The following DDHD1 variants were observed in gnomAD, a reference collection of about 807,000 sequenced individuals.
The protein encoded by DDHD1 is phospholipase DDHD1.
In DDHD1, 49 loss-of-function variants were observed where a neutral mutation model predicts 96.4. The observed-to-expected ratio is 0.51, with a 90% confidence interval of 0.40 to 0.64. The LOEUF is 0.64. Among genes scored for constraint, DDHD1 ranks in the 30% least tolerant of loss-of-function variants. The probability of loss-of-function intolerance (pLI) is 0.00; values close to 1 mark genes in which losing one functional copy is unlikely to be tolerated. For synonymous variants in DDHD1, 442 were observed against 446.5 expected, an observed-to-expected ratio of 0.99 and a Z score of 0.13; for missense variants, 1,106 against 1,161.2, an observed-to-expected ratio of 0.95 and a Z score of 0.69.
chr14:53,055,888 G>T lies in DDHD1; in HGVS notation c.2017C>A (p.Leu673Met). 6.2e-7 allele frequency: 1 copy of T among 1,612,798 alleles called. No homozygotes were observed. Among genetic ancestry groups the T allele is most frequent in the Non-Finnish European group, 8.5e-7 (1 of 1,179,190 alleles). Reference protein sequence around the residue: ...PVAYRLEPLILKHYSNISPVQ... With the variant: ...PVAYRLEPLIMKHYSNISPVQ... ...GGTGAAATGTTGCTGTAGTGTTTCA[G>T]TATTAATGGTTCTAATCTATAAGCC... Residue 673 changes from leucine (L) to methionine (M), a missense_variant, in exon 10 of 13, where the codon CTG (leucine) becomes ATG (methionine). This residue lies in a region of DDHD1 where 650 missense variants were observed against 758.8 expected (regional missense o/e 0.86). Transcript: ENST00000673822.
Position 53,103,708 on chromosome 14 carries a change from C to A in DDHD1, c.987G>T (p.Val329=). ...CATCTTTTCCATCTATGGATTTTGA[C>A]ACTTCAATATCGAAATTTTCCTGCA... ...QQMQENFDIE[V]SKSIDGKDAV... Residue 329 remains valine, a synonymous_variant, in exon 2 of 13, where the codon GTG becomes GTT. Coordinates refer to ENST00000673822, the MANE Select transcript of DDHD1 (RefSeq NM_001160148.2). The A allele has an allele frequency of 6.2e-7, 1 of 1,611,278 alleles. No individual in the cohort carries two copies. The highest frequency in any genetic ancestry group is 8.5e-7 in the Non-Finnish European group (1 of 1,179,114).
chr14:53,143,354 T>C (rs1373286294), intron 1 of DDHD1, among the ~76,000 whole-genome samples: 1 of 152,226 alleles, frequency 6.6e-6, no homozygotes, highest in Non-Finnish European at 1.5e-5. Context: ...TTGTTAGAAA[T>C]GCTTGTTCCT....
At chr14:53,114,109 G>T (rs2095551) in intron 1 of DDHD1, among the ~76,000 whole-genome samples, 2 of 152,030 alleles carry the variant, frequency 1.3e-5, no homozygotes, top group Non-Finnish European at 2.9e-5. Context: ...TGGCAGGTCT[G>T]GACTGGGCGG....
In DDHD1 at chr14:53,153,056, T is replaced by G. The variant is rs1891583848; in HGVS notation, c.43A>C (p.Asn15His). The G allele has an allele frequency of 6.7e-7, 1 of 1,488,836 alleles. No homozygotes were observed. Among genetic ancestry groups the G allele is most frequent in the South Asian group, 1.3e-5 (1 of 76,622 alleles). 92.2% of individuals were successfully genotyped at this position (1,488,836 alleles called of 1,614,324 possible). The change falls in exon 1 of 13, where the codon AAC becomes CAC. Residue 15 changes from asparagine to histidine, a missense_variant. This residue lies in a region of DDHD1 where 456 missense variants were observed against 402.4 expected (regional missense o/e 1.13). Transcript: ENST00000673822. ...GCGCCGCCGCCGCCGCCTCGGCCGT[T>G]ATGCTCGGGGCTCCGTGGGGACCCG... ...GRGSPRSPEH[N>H]GRGGGGGAWE...
intron 1 of DDHD1, among the ~76,000 whole-genome samples, chr14:53,126,860 G>A (rs1236365479): frequency 3.9e-5 from 6 of 152,138 alleles, no homozygotes; most frequent in Admixed American, 6.5e-5. Flanking sequence ...GAAGCACAGC[G>A]TTTAGAAGAT....
chr14:53,053,632 A>C (rs188638711), intron 11 of DDHD1: 25 of 152,296 alleles, frequency 1.6e-4, no homozygotes, highest in African/African-American at 6.0e-4. Context: ...AATCTGTTTA[A>C]AAATTTCTAG....
At chr14:53,071,900 G>A (rs1017486793) in intron 6 of DDHD1, among the ~76,000 whole-genome samples, 3 of 152,120 alleles carry the variant, frequency 2.0e-5, no homozygotes, top group Admixed American at 6.6e-5. Context: ...GTATTGCCTG[G>A]ATTCAAATAC....
chr14:53,054,570 A>T lies in DDHD1; in HGVS notation c.2305T>A (p.Ser769Thr). 6.2e-7 allele frequency: 1 copy of T among 1,614,064 alleles called. No homozygotes were observed. Among genetic ancestry groups the T allele is most frequent in the African/African-American group, 1.3e-5 (1 of 75,028 alleles). The change falls in exon 11 of 13, where the codon TCT becomes ACT. Residue 769 changes from serine to threonine, a missense_variant. Transcript: ENST00000673822. ...GATGTTTCAGATGACTGTGTTGTAGATGAACGTCCAAATCTTGAGAACAAC... is the reference window on the plus strand; with the variant it reads ...GATGTTTCAGATGACTGTGTTGTAGTTGAACGTCCAAATCTTGAGAACAAC... ...GMLFSRFGRSSTTQSSETSKD... is the reference protein window; with the variant it reads ...GMLFSRFGRSTTTQSSETSKD...
chr14:53,082,816 T>G (rs1885604705), intron 4 of DDHD1, among the ~76,000 whole-genome samples: 1 of 150,102 alleles, frequency 6.7e-6, no homozygotes, highest in Non-Finnish European at 1.5e-5. Context: ...TGCAGTGCAC[T>G]GGCAACTCAC....
chr14:53,152,593 C>T lies in DDHD1; in HGVS notation c.506G>A (p.Arg169His), dbSNP rs781329738. Residue 169 changes from arginine (R) to histidine (H), a missense_variant, in exon 1 of 13, where the codon CGC becomes CAC. This residue lies in a region of DDHD1 where 456 missense variants were observed against 402.4 expected (regional missense o/e 1.13). Coordinates refer to ENST00000673822, the MANE Select transcript of DDHD1 (RefSeq NM_001160148.2). Reference sequence around the variant, plus strand: ...CTTCTTGTCCTCCTTGTAGAACCAGCGTACCTCCTCCGGGCCCAGCTCCGT... The same window carrying T: ...CTTCTTGTCCTCCTTGTAGAACCAGTGTACCTCCTCCGGGCCCAGCTCCGT... The part of the protein sequence containing the change: ...VVTELGPEEV[R>H]WFYKEDKKTW... 1 of 1,613,850 alleles carries T rather than the reference C, an allele frequency of 6.2e-7. No homozygotes were observed. The highest frequency in any genetic ancestry group is 8.5e-7 in the Non-Finnish European group (1 of 1,179,942).
intron 2 of DDHD1, 169 bp from the exon 3 acceptor site, chr14:53,093,613 A>C (rs1886626031): frequency 1.3e-6 from 1 of 749,032 alleles, no homozygotes; most frequent in South Asian, 2.0e-5. Flanking sequence ...TGAAGCAAGT[A>C]ATGGATAGGG....
At chr14:53,124,448 G>C (rs77274883) in intron 1 of DDHD1, among the ~76,000 whole-genome samples, 1,538 of 152,144 alleles carry the variant, frequency 0.01, 32 homozygotes, top group African/African-American at 0.035. Context: ...TATTTAGCTT[G>C]GCTGCTAAGT....
At chr14:53,112,120 T>G (rs1888155580) in intron 1 of DDHD1, among the ~76,000 whole-genome samples, 1 of 152,114 alleles carries the variant, frequency 6.6e-6, no homozygotes, top group South Asian at 2.1e-4. Flanking sequence ...TAGATGAATA[T>G]AACAAGTTAC....
chr14:53,080,915 A>G (rs1566546505), intron 4 of DDHD1, among the ~76,000 whole-genome samples: 1 of 152,066 alleles, frequency 6.6e-6, no homozygotes, highest in African/African-American at 2.4e-5. Flanking sequence ...TTTCACTTAA[A>G]TGTGATCCAA....
intron 4 of DDHD1, among the ~76,000 whole-genome samples, chr14:53,082,314 T>A (rs925235691): frequency 6.6e-6 from 1 of 152,102 alleles, no homozygotes; most frequent in African/African-American, 2.4e-5. Flanking sequence ...TAAGTCTTCA[T>A]AATTCCTCTC....
intron 1 of DDHD1, among the ~76,000 whole-genome samples, chr14:53,124,024 G>A (rs1889226607): frequency 6.6e-6 from 1 of 151,868 alleles, no homozygotes; most frequent in Non-Finnish European, 1.5e-5. Context: ...CTGAGGTCAG[G>A]AGTTCGAGAC....
chr14:53,110,614 C>T (rs1364042399), intron 1 of DDHD1, among the ~76,000 whole-genome samples: 1 of 152,160 alleles, frequency 6.6e-6, no homozygotes, highest in East Asian at 1.9e-4. Flanking sequence ...TTTAGTCTTC[C>T]TCCTTTCTCT....
At chr14:53,121,301 G>C (rs552142727) in intron 1 of DDHD1, among the ~76,000 whole-genome samples, 1 of 152,332 alleles carries the variant, frequency 6.6e-6, no homozygotes, top group Admixed American at 6.5e-5. Flanking sequence ...GTGAGGCTGT[G>C]GAGAAATAGG....
At position 53,145,357 on chromosome 14, in the gene DDHD1, G is replaced by A. The variant is rs373766322; in HGVS notation, c.838+6904C>T. Reference sequence around the variant, plus strand: ...CTACAAGTAATAATTTTAAAAATTAGCTGGGCATGGTGACGTGCACCTATG... The same window carrying A: ...CTACAAGTAATAATTTTAAAAATTAACTGGGCATGGTGACGTGCACCTATG... On this transcript the variant is annotated intron_variant, in intron 1 of 12. Coordinates refer to ENST00000673822, the MANE Select transcript of DDHD1 (RefSeq NM_001160148.2). Among the ~76,000 whole-genome samples the A allele has an allele frequency of 4.0e-5, 6 of 151,836 alleles. No homozygotes were observed. In the East Asian group the frequency reaches 7.7e-4, roughly 20 times the overall value.
Sources: allele counts gnomAD v4.1 joint callset (sites outside exome capture counted in the v4.1 genomes callset), GRCh38; gene constraint gnomAD v4.1.1; regional missense constraint gnomAD v4.1.1; transcripts MANE v1.5; gene names NCBI Gene and HGNC (gene_info 2026-07-23, HGNC 2026-07-21).